The following ANK2 variants were observed in gnomAD, a reference collection of about 807,000 sequenced individuals.
ANK2 encodes the protein ankyrin 2.
ANK2 carries 83 observed loss-of-function variants against 360.5 expected under a neutral mutation model. The ratio of observed to expected loss-of-function variants is 0.23; its 90% CI spans 0.19 to 0.28. The LOEUF (loss-of-function observed/expected upper bound fraction) is 0.28, where lower values mean the gene tolerates loss of function less well. ANK2 is among the 10% of genes least tolerant of loss of function. The pLI is 1.00. For synonymous variants in ANK2, 1,740 were observed against 1,759.5 expected (o/e 0.99, Z 0.28); for missense variants, 4,201 against 4,795.7 (o/e 0.88, Z 3.66).
intron 45 of ANK2, chr4:113,375,030 C>G (rs750494305): frequency 6.1e-6 from 4 of 657,032 alleles, no homozygotes; most frequent in Non-Finnish European, 7.8e-6. Flanking sequence ...GTCATTGTAT[C>G]ATTCTATACA....
chr4:113,296,098 T>A (rs558120680), intron 22 of ANK2, among the ~76,000 whole-genome samples: 6 of 152,226 alleles, frequency 3.9e-5, no homozygotes, highest in Middle Eastern at 3.4e-3. Context: ...CAGATTTAGG[T>A]TGTCGGGTTT....
chr4:113,143,149 G>T (rs1055869120), intron 1 of ANK2, among the ~76,000 whole-genome samples: 2 of 152,114 alleles, frequency 1.3e-5, no homozygotes, highest in African/African-American at 4.8e-5. Context: ...GAGGACATTG[G>T]TCAGAGAAAA....
chr4:113,317,860 A>G (rs2083743648), intron 25 of ANK2, 51 bp downstream of exon 25: 1 of 1,436,386 alleles, frequency 7.0e-7, no homozygotes, highest in South Asian at 1.2e-5. Context: ...GCTTTGTAAC[A>G]TTATTGGATG....
chr4:113,097,918 A>G (rs929213197), intron 1 of ANK2, among the ~76,000 whole-genome samples: 1 of 146,338 alleles, frequency 6.8e-6, no homozygotes, highest in Non-Finnish European at 1.5e-5. Flanking sequence ...ATGTATATAT[A>G]CACACACACA....
the ANK2 span, among the ~76,000 whole-genome samples, chr4:112,718,594 G>T: frequency 3.3e-5 from 5 of 151,318 alleles, 1 homozygote; most frequent in South Asian, 1.0e-3. Context: ...CATTATAGGC[G>T]TGAGCCACTG....
intron 2 of ANK2, among the ~76,000 whole-genome samples, chr4:113,001,527 A>G (rs978633729): frequency 6.8e-6 from 1 of 147,386 alleles, no homozygotes; most frequent in African/African-American, 2.5e-5. Context: ...CGACAAAAAA[A>G]TTCAAAGCAT....
intron 1 of ANK2, among the ~76,000 whole-genome samples, chr4:113,067,041 G>A (rs1016550554): frequency 5.3e-5 from 8 of 152,038 alleles, no homozygotes; most frequent in African/African-American, 1.9e-4. Context: ...ATTGGCAGGT[G>A]TAAGATGACT....
chr4:113,160,224 G>T (rs531500374), intron 1 of ANK2: 28 of 273,436 alleles, frequency 1.0e-4, no homozygotes, highest in Non-Finnish European at 1.8e-4. Flanking sequence ...GAATTATAAA[G>T]GAAACTTAAA....
intron 2 of ANK2, among the ~76,000 whole-genome samples, chr4:112,997,782 C>T (rs2049114485): frequency 6.6e-6 from 1 of 151,038 alleles, no homozygotes; most frequent in African/African-American, 2.4e-5. Context: ...CACATGTATA[C>T]AAATGACTTA....
At chr4:113,173,249 G>GCATACTGTTAAAATTTCC (rs2098058969) in intron 1 of ANK2, among the ~76,000 whole-genome samples, 1 of 152,110 alleles carries the variant, frequency 6.6e-6, no homozygotes, top group Admixed American at 6.5e-5. Flanking sequence ...TTCCATATTT[G>GCATACTGTTAAAATTTCC]AAACTCCCAG....
At chr4:112,877,123 T>G (rs1456023529) in intron 1 of ANK2, among the ~76,000 whole-genome samples, 2 of 152,202 alleles carry the variant, frequency 1.3e-5, no homozygotes, top group African/African-American at 2.4e-5. Flanking sequence ...TCACCTGGGC[T>G]CTGCAGTTCT....
At chr4:112,984,416 GC>G (rs2044167560) in intron 2 of ANK2, among the ~76,000 whole-genome samples, 1 of 152,216 alleles carries the variant, frequency 6.6e-6, no homozygotes, top group African/African-American at 2.4e-5. Flanking sequence ...AAGAGAGAGA[GC>G]TTGTGCAGGA....
intron 1 of ANK2, among the ~76,000 whole-genome samples, chr4:112,822,618 C>T (rs9994544): frequency 0.12 from 17,930 of 150,774 alleles, 1,804 homozygotes; most frequent in African/African-American, 0.27. Context: ...TGGTGGCATG[C>T]GCCTGTGGCC....
chr4:112,851,353 T>C (rs1398432330), intron 1 of ANK2, among the ~76,000 whole-genome samples: 3 of 152,104 alleles, frequency 2.0e-5, no homozygotes, highest in Non-Finnish European at 4.4e-5. Flanking sequence ...TGGGGAGGGG[T>C]GAGCGAGGAG....
intron 2 of ANK2, among the ~76,000 whole-genome samples, chr4:112,989,591 A>G (rs2046062978): frequency 6.6e-6 from 1 of 152,240 alleles, no homozygotes; most frequent in South Asian, 2.1e-4. Context: ...GTTAAGAAAC[A>G]ACACAGTGGG....
intron 1 of ANK2, chr4:112,826,297 G>A: frequency 1.7e-5 from 11 of 644,350 alleles, no homozygotes; most frequent in Non-Finnish European, 2.6e-5. Flanking sequence ...ATAGAGTTGT[G>A]TAGTCTGTTT....
intron 2 of ANK2, among the ~76,000 whole-genome samples, chr4:113,041,327 G>A (rs2062895727): frequency 6.6e-6 from 1 of 151,964 alleles, no homozygotes; most frequent in Admixed American, 6.6e-5. Flanking sequence ...ATTTAAATGT[G>A]CTGCAATAAG....
intron 32 of ANK2, among the ~76,000 whole-genome samples, chr4:113,339,858 T>C (rs930478409): frequency 1.3e-5 from 2 of 152,240 alleles, no homozygotes; most frequent in Admixed American, 1.3e-4. Flanking sequence ...TGATCTTTAA[T>C]TGATTGCTAA....
Position 112,918,943 on chromosome 4 carries a change from G to T in ANK2, c.21+14429G>T, listed in dbSNP as rs2090714534. Among the ~76,000 whole-genome samples the T allele has an allele frequency of 2.6e-5, 4 of 152,008 alleles. No homozygotes were observed. The South Asian group carries it at 8.3e-4, about 32-fold the overall frequency. The stretch of plus-strand genomic sequence containing the variant: ...AGTTTATATATAGCTAATCAGGGGT[G>T]GTAATATGCTCTGCTTTAATTGACC... On this transcript the variant is annotated intron_variant, in intron 2 of 30. Transcript: ENST00000503271.
Sources: gnomAD v4.1 joint callset for allele counts (sites outside exome capture counted in the v4.1 genomes callset) on GRCh38, gnomAD v4.1.1 for gene constraint, MANE v1.5 for transcripts, NCBI Gene and HGNC (gene_info 2026-07-23, HGNC 2026-07-21) for gene names.